Variants in NXPH2 observed in about 807,000 individuals in gnomAD.
NXPH2 encodes neurexophilin 2, also known as neurexophilin-2.
NXPH2 carries 5 observed loss-of-function variants against 19.8 expected under a neutral mutation model. The ratio of observed to expected loss-of-function variants is 0.25; its 90% CI spans 0.13 to 0.53. The LOEUF is 0.53. NXPH2 is among the 20% of genes least tolerant of loss of function. The pLI, the probability that NXPH2 is intolerant of heterozygous loss-of-function variation, is 0.96. For missense variants in NXPH2, 289 were observed against 322.8 expected, an observed-to-expected ratio of 0.90 and a Z score of 0.80; for synonymous variants, 154 against 127.4, an observed-to-expected ratio of 1.21 and a Z score of -1.41.
chr2:138,694,278 C>T (rs992779320), intron 1 of NXPH2, among the ~76,000 whole-genome samples: 6 of 152,134 alleles, frequency 3.9e-5, no homozygotes, highest in African/African-American at 1.4e-4. Context: ...TTTTATTTTG[C>T]CTCGGATTTT....
At chr2:138,753,973 C>G (rs1441703058) in intron 1 of NXPH2, among the ~76,000 whole-genome samples, 1 of 152,210 alleles carries the variant, frequency 6.6e-6, no homozygotes, top group East Asian at 1.9e-4. Flanking sequence ...CCTCCCTATC[C>G]TCTTCAGTGA....
chr2:138,681,388 AAG>A (rs1242378274), intron 1 of NXPH2, among the ~76,000 whole-genome samples: 5 of 152,192 alleles, frequency 3.3e-5, no homozygotes. Flanking sequence ...TCTATACTTT[AAG>A]AGAATGTTTT....
chr2:138,693,617 G>A (rs1353576216), intron 1 of NXPH2, among the ~76,000 whole-genome samples: 1 of 151,806 alleles, frequency 6.6e-6, no homozygotes, highest in African/African-American at 2.4e-5. Flanking sequence ...TGACTCTCTA[G>A]AAGCAATAAA....
chr2:138,704,182 T>C (rs989785048), intron 1 of NXPH2, among the ~76,000 whole-genome samples: 6 of 152,230 alleles, frequency 3.9e-5, no homozygotes, highest in African/African-American at 1.4e-4. Context: ...GCACCCGAAC[T>C]ATATGTCAAT....
intron 1 of NXPH2, among the ~76,000 whole-genome samples, chr2:138,756,899 G>A (rs1449432084): frequency 1.3e-5 from 2 of 151,938 alleles, no homozygotes; most frequent in Non-Finnish European, 2.9e-5. Flanking sequence ...ATATTCAGTG[G>A]GTATGTGACT....
chr2:138,685,822 G>C (rs1573953459), intron 1 of NXPH2, among the ~76,000 whole-genome samples: 2 of 152,172 alleles, frequency 1.3e-5, no homozygotes, highest in East Asian at 3.8e-4. Flanking sequence ...TTAGGGCCAA[G>C]TGTCTCTCCA....
intron 1 of NXPH2, among the ~76,000 whole-genome samples, chr2:138,713,848 AT>A (rs1392414582): frequency 6.6e-6 from 1 of 152,118 alleles, no homozygotes; most frequent in African/African-American, 2.4e-5. Flanking sequence ...TTCAGCGTAA[AT>A]TACTGAACAA....
chr2:138,700,729 T>C (rs1680908074), intron 1 of NXPH2, among the ~76,000 whole-genome samples: 1 of 152,064 alleles, frequency 6.6e-6, no homozygotes, highest in South Asian at 2.1e-4. Flanking sequence ...GTTGGACTTC[T>C]TAATGTCCTC....
intron 1 of NXPH2, among the ~76,000 whole-genome samples, chr2:138,750,096 G>A (rs1212209539): frequency 2.6e-5 from 4 of 152,122 alleles, no homozygotes; most frequent in South Asian, 2.1e-4. Context: ...ATACATACAC[G>A]ATGATGTTCA....
At chr2:138,751,520 A>T (rs1304053538) in intron 1 of NXPH2, among the ~76,000 whole-genome samples, 1 of 152,160 alleles carries the variant, frequency 6.6e-6, no homozygotes, top group Non-Finnish European at 1.5e-5. Flanking sequence ...TTGGCTGTGA[A>T]ACTATTGTGA....
intron 1 of NXPH2, among the ~76,000 whole-genome samples, chr2:138,683,404 A>T (rs1188236498): frequency 6.6e-6 from 1 of 152,224 alleles, no homozygotes; most frequent in African/African-American, 2.4e-5. Flanking sequence ...AGGGAAGAAC[A>T]GTCAAGTGAG....
intron 1 of NXPH2, among the ~76,000 whole-genome samples, chr2:138,708,167 G>T (rs1157621112): frequency 1.3e-5 from 2 of 152,088 alleles, no homozygotes; most frequent in African/African-American, 4.8e-5. Context: ...GAATTTCATT[G>T]TTTTTCTGGC....
chr2:138,714,868 G>A (rs537683515), intron 1 of NXPH2, among the ~76,000 whole-genome samples: 2 of 152,296 alleles, frequency 1.3e-5, no homozygotes, highest in South Asian at 4.1e-4. Context: ...GGCATAATAT[G>A]TGTATATGTA....
chr2:138,780,248 G>A lies in NXPH2; in HGVS notation c.-7C>T, dbSNP rs775612850. 6.3e-6 allele frequency: 9 copies of A among 1,428,876 alleles called. No homozygotes were observed. The East Asian group carries it at 1.5e-4, about 23-fold the overall frequency. 88.5% of individuals were successfully genotyped at this position (1,428,876 alleles called of 1,614,324 possible). A position where few individuals can be genotyped will look rare whatever the true frequency, so the allele number is the denominator to read the frequency against. Reference sequence around the variant, plus strand: ...GCAGCGGCCGCAGGCGCATGGTGCCGGCTGGCGCGGCTTTTCACGAGCTGC... The same window carrying A: ...GCAGCGGCCGCAGGCGCATGGTGCCAGCTGGCGCGGCTTTTCACGAGCTGC... On this transcript the variant is annotated 5_prime_UTR_variant, in exon 1 of 2. Transcript: ENST00000272641.
intron 1 of NXPH2, among the ~76,000 whole-genome samples, chr2:138,682,090 A>G (rs1324047387): frequency 6.6e-6 from 1 of 152,186 alleles, no homozygotes; most frequent in African/African-American, 2.4e-5. Flanking sequence ...GTACTGTCCT[A>G]TATCCTGCAG....
intron 1 of NXPH2, among the ~76,000 whole-genome samples, chr2:138,748,339 G>A (rs1440136576): frequency 6.6e-6 from 1 of 152,156 alleles, no homozygotes; most frequent in Admixed American, 6.5e-5. Context: ...AGCTCATTAG[G>A]TGTTAACTCG....
At chr2:138,694,818 G>A (rs1206289567) in intron 1 of NXPH2, among the ~76,000 whole-genome samples, 5 of 152,082 alleles carry the variant, frequency 3.3e-5, no homozygotes, top group Non-Finnish European at 5.9e-5. Flanking sequence ...CAATCACAAA[G>A]GTAAGCAACA....
intron 1 of NXPH2, among the ~76,000 whole-genome samples, chr2:138,722,909 C>A (rs986756514): frequency 5.3e-5 from 8 of 152,210 alleles, no homozygotes; most frequent in South Asian, 4.1e-4. Context: ...AAGTGCTCAA[C>A]ATATGCAAAA....
chr2:138,721,768 A>C (rs904425843), intron 1 of NXPH2, among the ~76,000 whole-genome samples: 1 of 152,220 alleles, frequency 6.6e-6, no homozygotes, highest in Non-Finnish European at 1.5e-5. Flanking sequence ...TCTCTCGGCA[A>C]ACCTAAAACT....
Sources: gnomAD v4.1 joint callset for allele counts (sites outside exome capture counted in the v4.1 genomes callset) on GRCh38, gnomAD v4.1.1 for gene constraint, MANE v1.5 for transcripts, NCBI Gene and HGNC (gene_info 2026-07-23, HGNC 2026-07-21) for gene names.